The following CSGALNACT1 variants were observed in gnomAD, a reference collection of about 807,000 sequenced individuals.
CSGALNACT1 encodes the protein chondroitin sulfate N-acetylgalactosaminyltransferase 1.
A neutral mutation model predicts 51.0 loss-of-function variants in CSGALNACT1; 52 were observed. The ratio of observed to expected loss-of-function variants is 1.02; its 90% CI spans 0.82 to 1.29. The LOEUF is 1.29. Among genes scored for constraint, CSGALNACT1 ranks in the 50% most tolerant of loss-of-function variants. CSGALNACT1 has a pLI of 0.00. For missense variants in CSGALNACT1, 935 were observed against 679.2 expected (o/e 1.38, Z -4.19); for synonymous variants, 341 against 254.4 (o/e 1.34, Z -3.24).
chr8:19,725,726 C>T (rs2063362811), intron 1 of CSGALNACT1, among the ~76,000 whole-genome samples: 1 of 152,064 alleles, frequency 6.6e-6, no homozygotes, highest in South Asian at 2.1e-4. Flanking sequence ...GCCTGTAAAG[C>T]CTGGCCAAAG....
chr8:19,724,200 C>T (rs1467120918), intron 1 of CSGALNACT1, among the ~76,000 whole-genome samples: 3 of 152,156 alleles, frequency 2.0e-5, no homozygotes, highest in African/African-American at 7.2e-5. Flanking sequence ...ACCTGGCAGC[C>T]TAAAACCACC....
rs557461657 is a variant in CSGALNACT1, at chr8:19,471,666, C to T, written c.635-13024G>A. Among the ~76,000 whole-genome samples the T allele has an allele frequency of 2.6e-5, 4 of 151,976 alleles. No homozygotes were observed. The South Asian group carries it at 8.3e-4, about 32-fold the overall frequency. ...TAACAGAGGGGTTACATTATGGGGT[C>T]CAGGTTGAGAGAGGAGCAGAGGAGC... On this transcript the variant is annotated intron_variant, in intron 4 of 9. Transcript: ENST00000454498.
intron 1 of CSGALNACT1, among the ~76,000 whole-genome samples, chr8:19,691,073 C>T (rs967813881): frequency 6.6e-6 from 1 of 152,162 alleles, no homozygotes; most frequent in Non-Finnish European, 1.5e-5. Context: ...GCTTGGACAA[C>T]AGAGTGAGAC....
chr8:19,526,977 T>C (rs1310545200), intron 3 of CSGALNACT1, among the ~76,000 whole-genome samples: 2 of 152,212 alleles, frequency 1.3e-5, no homozygotes, highest in African/African-American at 4.8e-5. Flanking sequence ...TTCAGGATCT[T>C]AGATATCCGT....
chr8:19,734,974 A>G (rs2063890454), intron 1 of CSGALNACT1, among the ~76,000 whole-genome samples: 1 of 152,090 alleles, frequency 6.6e-6, no homozygotes, highest in African/African-American at 2.4e-5. Context: ...AACAGATAAG[A>G]AAGATCAGGT....
At chr8:19,519,114 C>G (rs571896143) in intron 3 of CSGALNACT1, among the ~76,000 whole-genome samples, 1 of 152,040 alleles carries the variant, frequency 6.6e-6, no homozygotes, top group Non-Finnish European at 1.5e-5. Flanking sequence ...ATGGAAAGCC[C>G]AATTCATTAA....
chr8:19,672,443 A>C (rs1302650765), intron 1 of CSGALNACT1, among the ~76,000 whole-genome samples: 1 of 152,210 alleles, frequency 6.6e-6, no homozygotes, highest in Non-Finnish European at 1.5e-5. Context: ...GTAAGGAGTG[A>C]GTCATATCTC....
At chr8:19,675,667 A>T (rs375766302) in intron 1 of CSGALNACT1, among the ~76,000 whole-genome samples, 1 of 151,874 alleles carries the variant, frequency 6.6e-6, no homozygotes, top group South Asian at 2.1e-4. Context: ...TAATTTTTTT[A>T]ATTTTTAGTA....
At chr8:19,637,598 G>A (rs142824179) in intron 1 of CSGALNACT1, among the ~76,000 whole-genome samples, 208 of 152,282 alleles carry the variant, frequency 1.4e-3, no homozygotes, top group Admixed American at 5.0e-3. Flanking sequence ...TCCAGATACT[G>A]TTAATATTCC....
Position 19,505,265 on chromosome 8 carries a change from G to T in CSGALNACT1, c.570C>A (p.Thr190=), listed in dbSNP as rs762299665. The change falls in exon 4 of 10, where the codon ACC becomes ACA. Residue 190 remains threonine (T), a synonymous_variant. Transcript: ENST00000454498. ...GGCTGTTCTCTGCAGGACTGTTCAG[G>T]GTCTCCAAGGCTGATTCAATGGCTT... 3.1e-6 allele frequency: 5 copies of T among 1,613,998 alleles called. 1 individual carries two copies. Among genetic ancestry groups the T allele is most frequent in the Admixed American group, 1.7e-5 (1 of 60,000 alleles).
chr8:19,493,487 C>T (rs2153968608), intron 4 of CSGALNACT1, among the ~76,000 whole-genome samples: 1 of 152,282 alleles, frequency 6.6e-6, no homozygotes, highest in East Asian at 1.9e-4. Context: ...CACTCCCCAT[C>T]TCCACCAACT....
intron 1 of CSGALNACT1, among the ~76,000 whole-genome samples, chr8:19,709,833 G>A (rs1203681518): frequency 1.3e-5 from 2 of 152,136 alleles, no homozygotes; most frequent in Non-Finnish European, 2.9e-5. Context: ...GGTCAGGTAA[G>A]ATTGTAAGTG....
chr8:19,549,662 T>TTTC (rs1554692257), intron 3 of CSGALNACT1, among the ~76,000 whole-genome samples: 1 of 138,062 alleles, frequency 7.2e-6, no homozygotes, highest in Non-Finnish European at 1.5e-5. Flanking sequence ...CCTACTTTTT[T>TTTC]TTTTTTTTTT....
upstream of CSGALNACT1, among the ~76,000 whole-genome samples, chr8:19,605,369 G>A (rs2051222529): frequency 6.6e-6 from 1 of 152,182 alleles, no homozygotes; most frequent in African/African-American, 2.4e-5. Context: ...CTAGGAGGTG[G>A]AGGTCGCAGT....
intron 1 of CSGALNACT1, among the ~76,000 whole-genome samples, chr8:19,640,469 T>C (rs2056609484): frequency 1.3e-5 from 2 of 152,212 alleles, no homozygotes; most frequent in African/African-American, 4.8e-5. Context: ...ACATTCTCAA[T>C]GTAACTTTGA....
chr8:19,480,036 A>G (rs1408673522), intron 4 of CSGALNACT1, among the ~76,000 whole-genome samples: 1 of 152,230 alleles, frequency 6.6e-6, no homozygotes, highest in East Asian at 1.9e-4. Context: ...TGAATTACAA[A>G]TAACTACAAC....
Position 19,458,334 on chromosome 8 carries a change from C to T in CSGALNACT1, c.851+92G>A, listed in dbSNP as rs17128441. 0.12 allele frequency: 128,632 copies of T among 1,059,088 alleles called. 12,487 individuals carry two copies. Among genetic ancestry groups the T allele is most frequent in the East Asian group, 0.42 (17,560 of 42,258 alleles). The allele number at this position is 1,059,088 out of a possible 1,614,324, so 65.6% of individuals were successfully genotyped here. Reference sequence around the variant, plus strand: ...AATAAGAGAAAGGAGGCTTTGTACTCGGCAGGGGAAATGAAGGAGATGACG... The same window carrying T: ...AATAAGAGAAAGGAGGCTTTGTACTTGGCAGGGGAAATGAAGGAGATGACG... On this transcript the variant is annotated intron_variant, in intron 5 of 9. Transcript: ENST00000454498.
intron 5 of CSGALNACT1, among the ~76,000 whole-genome samples, chr8:19,450,293 A>AAGGAGGAGGAGGAATAGGAGG (rs1323658528): frequency 7.8e-6 from 1 of 128,816 alleles, no homozygotes; most frequent in African/African-American, 2.9e-5. Flanking sequence ...GGAGGAGGAG[A>AAGGAGGAGGAGGAATAGGAGG]AGGAGGAGGA....
At chr8:19,571,657 A>G (rs945352414) in intron 3 of CSGALNACT1, among the ~76,000 whole-genome samples, 6 of 152,212 alleles carry the variant, frequency 3.9e-5, no homozygotes, top group African/African-American at 1.4e-4. Context: ...GAAAAAAATT[A>G]TATTGGAAAG....
Sources: allele counts gnomAD v4.1 joint callset (sites outside exome capture counted in the v4.1 genomes callset), GRCh38; gene constraint gnomAD v4.1.1; transcripts MANE v1.5; gene names NCBI Gene and HGNC (gene_info 2026-07-23, HGNC 2026-07-21).